The following STAU2 variants were observed in gnomAD, a reference collection of about 807,000 sequenced individuals.
STAU2 encodes staufen double-stranded RNA binding protein 2, also known as double-stranded RNA-binding protein Staufen homolog 2.
A neutral mutation model predicts 65.9 loss-of-function variants in STAU2; 20 were observed. The observed-to-expected ratio is 0.30, with a 90% confidence interval of 0.21 to 0.44. The LOEUF is 0.44. Among genes scored for constraint, STAU2 ranks in the 20% least tolerant of loss-of-function variants. The pLI, the probability that STAU2 is intolerant of heterozygous loss-of-function variation, is 1.00. For synonymous variants in STAU2, 232 were observed against 233.9 expected (o/e 0.99, Z 0.07); for missense variants, 558 against 683.9 (o/e 0.82, Z 2.05).
At chr8:73,563,561 T>C (rs553788434) in intron 12 of STAU2, among the ~76,000 whole-genome samples, 5 of 152,346 alleles carry the variant, frequency 3.3e-5, no homozygotes, top group African/African-American at 9.6e-5. Flanking sequence ...TATTGTACTA[T>C]AGTTCTGCAA....
At chr8:73,444,275 G>T (rs1432359274) in intron 13 of STAU2, among the ~76,000 whole-genome samples, 1 of 152,024 alleles carries the variant, frequency 6.6e-6, no homozygotes, top group African/African-American at 2.4e-5. Context: ...GCATGGTGGT[G>T]CACACCTGTA....
At chr8:73,586,646 C>CAAAAAAAAAAAAAAAAAAA (rs56687221) in intron 11 of STAU2, among the ~76,000 whole-genome samples, 1 of 62,738 alleles carries the variant, frequency 1.6e-5, no homozygotes, top group Admixed American at 1.9e-4. Flanking sequence ...AAAAAAAATG[C>CAAAAAAAAAAAAAAAAAAA]AAAAAAAAAA....
At chr8:73,699,471 A>G (rs1342222459) in intron 4 of STAU2, among the ~76,000 whole-genome samples, 2 of 152,090 alleles carry the variant, frequency 1.3e-5, no homozygotes, top group Non-Finnish European at 2.9e-5. Flanking sequence ...ATAAAACCAG[A>G]GATGAAAAAG....
intron 12 of STAU2, chr8:73,561,582 C>A (rs1184810934): frequency 4.4e-6 from 2 of 451,888 alleles, no homozygotes; most frequent in South Asian, 3.2e-5. Flanking sequence ...ATAAGTCTGA[C>A]ATATGACAAA....
At chr8:73,607,492 G>A (rs1227126639) in intron 9 of STAU2, among the ~76,000 whole-genome samples, 2 of 152,038 alleles carry the variant, frequency 1.3e-5, no homozygotes, top group African/African-American at 4.8e-5. Flanking sequence ...CACTTTGGGA[G>A]GCCGAGGCGG....
intron 4 of STAU2, among the ~76,000 whole-genome samples, chr8:73,704,867 C>T (rs1205215451): frequency 6.6e-6 from 1 of 152,080 alleles, no homozygotes; most frequent in Non-Finnish European, 1.5e-5. Flanking sequence ...CAGGGTTTCG[C>T]CATTTTGACC....
At chr8:73,746,943 G>T, upstream of STAU2, 1 of 883,358 alleles carries the variant, frequency 1.1e-6, no homozygotes, top group Non-Finnish European at 1.3e-6. Context: ...GCCCTCCCGC[G>T]CTCGCGCCGC....
In STAU2 at chr8:73,466,820, C is replaced by T. The variant is rs115660099; in HGVS notation, c.1531-44118G>A. On this transcript the variant is annotated intron_variant, in intron 13 of 14. Transcript: ENST00000524300. ...CATTATTGAGCACCTCTCTGGGTGC[C>T]GGGCGCTTTGCTAGATGCCAGGGAT... 4.5e-3 allele frequency among the ~76,000 whole-genome samples: 683 copies of T among 152,294 alleles called. 7 individuals carry two copies. The highest frequency in any genetic ancestry group is 0.015 in the African/African-American group (624 of 41,556).
chr8:73,655,380 T>C (rs1388040713), intron 6 of STAU2, among the ~76,000 whole-genome samples: 1 of 152,160 alleles, frequency 6.6e-6, no homozygotes, highest in Non-Finnish European at 1.5e-5. Flanking sequence ...TTCTGTTAAA[T>C]ACAACAGAAA....
At chr8:73,498,094 A>C (rs1273292480) in intron 13 of STAU2, among the ~76,000 whole-genome samples, 1 of 151,848 alleles carries the variant, frequency 6.6e-6, no homozygotes, top group Non-Finnish European at 1.5e-5. Context: ...TTAACTTTCT[A>C]CATGATTTAT....
At chr8:73,585,984 T>C (rs1210410933) in intron 11 of STAU2, among the ~76,000 whole-genome samples, 1 of 152,222 alleles carries the variant, frequency 6.6e-6, no homozygotes, top group African/African-American at 2.4e-5. Context: ...GAGGTGCCTT[T>C]TGGCACAATT....
intron 3 of STAU2, among the ~76,000 whole-genome samples, chr8:73,735,485 C>T (rs1477703112): frequency 6.6e-6 from 1 of 152,180 alleles, no homozygotes; most frequent in Admixed American, 6.5e-5. Context: ...AATCCAAAAT[C>T]TCCAAGATTT....
chr8:73,506,707 C>T (rs1822088180), intron 13 of STAU2, among the ~76,000 whole-genome samples: 1 of 152,120 alleles, frequency 6.6e-6, no homozygotes, highest in Non-Finnish European at 1.5e-5. Context: ...CACGGACTAA[C>T]TCTTCCTTTC....
intron 12 of STAU2, among the ~76,000 whole-genome samples, chr8:73,572,756 T>A (rs1809205228): frequency 6.6e-6 from 1 of 152,110 alleles, no homozygotes; most frequent in South Asian, 2.1e-4. Context: ...CTCAAAATAA[T>A]AAGAGCTATT....
intron 11 of STAU2, among the ~76,000 whole-genome samples, chr8:73,588,464 CAG>C (rs1810534864): frequency 6.6e-6 from 1 of 152,214 alleles, no homozygotes; most frequent in Admixed American, 6.5e-5. Flanking sequence ...AGCTGCAGAC[CAG>C]AGAGAGCCCA....
chr8:73,446,719 C>G (rs1342926833), intron 13 of STAU2, among the ~76,000 whole-genome samples: 1 of 152,152 alleles, frequency 6.6e-6, no homozygotes, highest in African/African-American at 2.4e-5. Flanking sequence ...AAGTGATCCT[C>G]CTGTCTTGGC....
intron 12 of STAU2, among the ~76,000 whole-genome samples, chr8:73,557,623 A>T (rs1807890190): frequency 2.0e-5 from 3 of 152,134 alleles, no homozygotes; most frequent in Middle Eastern, 3.2e-3. Flanking sequence ...AATCATTGCC[A>T]CTCTACAATA....
At chr8:73,580,977 A>G (rs1439959783) in intron 12 of STAU2, among the ~76,000 whole-genome samples, 2 of 152,234 alleles carry the variant, frequency 1.3e-5, no homozygotes, top group African/African-American at 2.4e-5. Flanking sequence ...GCTGGCTTCA[A>G]ATAGTTTTCT....
intron 11 of STAU2, among the ~76,000 whole-genome samples, chr8:73,589,561 G>A (rs1045294291): frequency 2.0e-5 from 3 of 152,158 alleles, no homozygotes; most frequent in South Asian, 2.1e-4. Flanking sequence ...AATCCTAAAC[G>A]AAAAATATTA....
Sources: allele counts gnomAD v4.1 joint callset (sites outside exome capture counted in the v4.1 genomes callset), GRCh38; gene constraint gnomAD v4.1.1; transcripts MANE v1.5; gene names NCBI Gene and HGNC (gene_info 2026-07-23, HGNC 2026-07-21).